Variants in CPXM2 observed in about 807,000 individuals in gnomAD.
The protein encoded by CPXM2 is inactive carboxypeptidase-like protein X2.
A neutral mutation model predicts 86.1 loss-of-function variants in CPXM2; 66 were observed. That is an observed-to-expected ratio of 0.77 (90% CI 0.63 to 0.94). The LOEUF (loss-of-function observed/expected upper bound fraction) is 0.94. CPXM2 is among the 40% of genes least tolerant of loss of function. The pLI is 0.00. For missense variants in CPXM2, 948 were observed against 1,026.3 expected, an observed-to-expected ratio of 0.92 and a Z score of 1.04; for synonymous variants, 388 against 400.2, an observed-to-expected ratio of 0.97 and a Z score of 0.36.
At chr10:123,784,625 C>G (rs1327729011) in intron 6 of CPXM2, among the ~76,000 whole-genome samples, 1 of 152,222 alleles carries the variant, frequency 6.6e-6, no homozygotes, top group African/African-American at 2.4e-5. Flanking sequence ...CCCTTCATCT[C>G]CTTTCAATAA....
chr10:123,927,540 C>T (rs183791646), intron 2 of CPXM2, among the ~76,000 whole-genome samples: 2 of 152,324 alleles, frequency 1.3e-5, no homozygotes, highest in East Asian at 3.9e-4. Context: ...GACTAACGCA[C>T]CTTGCCCAAG....
At chr10:123,751,954 G>GT (rs1846088035) in intron 13 of CPXM2, 6 of 985,124 alleles carry the variant, frequency 6.1e-6, no homozygotes, top group Non-Finnish European at 7.2e-6. Flanking sequence ...CACCCATTAG[G>GT]CAAAGTATTC....
intron 3 of CPXM2, among the ~76,000 whole-genome samples, chr10:123,856,066 G>A (rs17096170): frequency 0.092 from 13,939 of 152,156 alleles, 1,375 homozygotes; most frequent in African/African-American, 0.24. Context: ...AGTGTGCTAC[G>A]TTTTTCCTTG....
At position 123,761,887 on chromosome 10, in the gene CPXM2, G is replaced by GCC; in HGVS notation, c.1760_1761dup (p.His588GlyfsTer8). 9.9e-6 allele frequency: 16 copies of GCC among 1,613,372 alleles called. No homozygotes were observed. Among genetic ancestry groups the GCC allele is most frequent in the Non-Finnish European group, 1.3e-5 (15 of 1,179,764 alleles). On this transcript the variant is annotated frameshift_variant, in exon 11 of 14. Transcript: ENST00000241305. LOFTEE classifies it high-confidence loss of function. ...GGAGGCTTACTTCCAGCGACGGTGT[G>GCC]CCAGGAGGCCCCATTGACAGTGCCC...
chr10:123,932,354 C>T (rs901513403), intron 2 of CPXM2, among the ~76,000 whole-genome samples: 1 of 152,202 alleles, frequency 6.6e-6, no homozygotes, highest in African/African-American at 2.4e-5. Flanking sequence ...TGAAGAGCAC[C>T]TCACTCCAGA....
chr10:123,897,782 G>A (rs1411350568), intron 2 of CPXM2, among the ~76,000 whole-genome samples: 2 of 152,260 alleles, frequency 1.3e-5, no homozygotes, highest in Non-Finnish European at 1.5e-5. Context: ...GGAACTCAGC[G>A]TGAGAAGCCA....
At chr10:123,832,708 T>C (rs1848189514) in intron 4 of CPXM2, among the ~76,000 whole-genome samples, 1 of 151,698 alleles carries the variant, frequency 6.6e-6, no homozygotes, top group Non-Finnish European at 1.5e-5. Context: ...ACGCCTATAA[T>C]ACCAGCTAGT....
intron 4 of CPXM2, among the ~76,000 whole-genome samples, chr10:123,837,591 GA>G (rs1564791701): frequency 6.6e-6 from 1 of 152,080 alleles, no homozygotes; most frequent in African/African-American, 2.4e-5. Flanking sequence ...TGTCATTAGG[GA>G]AATAAAAGAC....
chr10:123,778,135 A>G (rs1034718131), intron 7 of CPXM2, among the ~76,000 whole-genome samples: 1 of 152,040 alleles, frequency 6.6e-6, no homozygotes, highest in African/African-American at 2.4e-5. Context: ...AAGTCCCCTC[A>G]TTATCTTCCT....
chr10:123,789,618 C>G (rs1847156928), intron 6 of CPXM2, among the ~76,000 whole-genome samples: 1 of 152,290 alleles, frequency 6.6e-6, no homozygotes, highest in East Asian at 1.9e-4. Context: ...AAAAGAAGAA[C>G]CAGCACTCAA....
intron 6 of CPXM2, among the ~76,000 whole-genome samples, chr10:123,780,657 A>G (rs1169408965): frequency 6.6e-6 from 1 of 152,236 alleles, no homozygotes; most frequent in Non-Finnish European, 1.5e-5. Flanking sequence ...AAATGAGTGA[A>G]TATCGTGACT....
At chr10:123,902,848 T>G (rs1305243331) in intron 2 of CPXM2, among the ~76,000 whole-genome samples, 1 of 152,162 alleles carries the variant, frequency 6.6e-6, no homozygotes. Flanking sequence ...CTGTTGTCAT[T>G]CTTCATGATG....
intron 2 of CPXM2, among the ~76,000 whole-genome samples, chr10:123,879,163 C>T (rs1229850431): frequency 6.6e-6 from 1 of 152,210 alleles, no homozygotes; most frequent in African/African-American, 2.4e-5. Flanking sequence ...TTAGTCATCT[C>T]TATGATTTCT....
intron 12 of CPXM2, among the ~76,000 whole-genome samples, chr10:123,755,697 T>G (rs1029589134): frequency 1.3e-5 from 2 of 152,228 alleles, no homozygotes; most frequent in African/African-American, 2.4e-5. Context: ...ACTTGTGTCA[T>G]GCGATGCACT....
upstream of CPXM2, among the ~76,000 whole-genome samples, chr10:123,940,618 C>A (rs1381653843): frequency 2.0e-5 from 3 of 152,208 alleles, no homozygotes; most frequent in Non-Finnish European, 1.5e-5. Context: ...TCAACACCCA[C>A]CTAACAAGCA....
chr10:123,922,694 G>C (rs187225012), intron 2 of CPXM2, among the ~76,000 whole-genome samples: 1 of 152,352 alleles, frequency 6.6e-6, no homozygotes, highest in African/African-American at 2.4e-5. Flanking sequence ...GGCGAGGTGA[G>C]AGAACTTGGC....
Position 123,746,870 on chromosome 10 carries a change from T to C in CPXM2, c.2165A>G (p.Asn722Ser). 2 of 1,614,196 alleles carry C rather than the reference T, an allele frequency of 1.2e-6. No homozygotes were observed. Among genetic ancestry groups the C allele is most frequent in the East Asian group, 4.5e-5 (2 of 44,874 alleles). Residue 722 changes from asparagine (N) to serine (S), a missense_variant, in exon 14 of 14, where the codon AAC (asparagine) becomes AGC (serine). By Grantham distance (46) the Asn-to-Ser change is conservative. Coordinates refer to ENST00000241305, the MANE Select transcript of CPXM2 (RefSeq NM_198148.3). The stretch of plus-strand genomic sequence containing the variant: ...CATGATCTCTCGGATCCTGGCCATG[T>C]TGGTTTTGCTAAGTGTGAAGTCACA... ...TRCDFTLSKTNMARIREIMEK... is the reference protein window; with the variant it reads ...TRCDFTLSKTSMARIREIMEK...
At chr10:123,779,234 C>T (rs1200774677) in intron 7 of CPXM2, among the ~76,000 whole-genome samples, 1 of 152,200 alleles carries the variant, frequency 6.6e-6, no homozygotes, top group Non-Finnish European at 1.5e-5. Flanking sequence ...CAGCTCCTCC[C>T]CATGCTTTCT....
chr10:123,851,824 G>A (rs954742158), intron 3 of CPXM2, among the ~76,000 whole-genome samples: 23 of 150,936 alleles, frequency 1.5e-4, no homozygotes, highest in Admixed American at 1.1e-3. Flanking sequence ...GATGCAGTCA[G>A]CTTAGAGCAG....
Sources: allele counts gnomAD v4.1 joint callset (sites outside exome capture counted in the v4.1 genomes callset), GRCh38; gene constraint gnomAD v4.1.1; transcripts MANE v1.5; gene names NCBI Gene and HGNC (gene_info 2026-07-23, HGNC 2026-07-21).